The following OR4B1 variants were observed in gnomAD, a reference collection of about 807,000 sequenced individuals.
OR4B1 encodes olfactory receptor 4B1.
For synonymous variants in OR4B1, 196 were observed against 141.2 expected, an observed-to-expected ratio of 1.39 and a Z score of -2.75; for missense variants, 520 against 370.7, an observed-to-expected ratio of 1.40 and a Z score of -3.31.
Position 48,217,632 on chromosome 11 carries a change from G to C in OR4B1, c.823G>C (p.Val275Leu). The part of the protein sequence containing the change: ...EDKLVAVFYT[V>L]ITPMLNPIIY... ...TAAACTTGTGGCTGTATTCTACACG[G>C]TCATCACCCCCATGCTGAACCCCAT... The change falls in exon 1 of 1, where the codon GTC becomes CTC. Residue 275 changes from valine to leucine, a missense_variant. Val to Leu is a conservative substitution (Grantham distance 32). Transcript: ENST00000309562. The C allele has an allele frequency of 1.2e-6, 2 of 1,611,718 alleles. No individual in the cohort carries two copies. Among genetic ancestry groups the C allele is most frequent in the Non-Finnish European group, 1.7e-6 (2 of 1,179,956 alleles).
Position 48,217,417 on chromosome 11 carries a change from T to C in OR4B1, c.608T>C (p.Leu203Ser). The change falls in exon 1 of 1, where the codon TTA (leucine) becomes TCA (serine). Residue 203 changes from leucine (L) to serine (S), a missense_variant. By Grantham distance (145) the Leu-to-Ser change is moderately radical. Coordinates refer to ENST00000309562, the MANE Select transcript of OR4B1 (RefSeq NM_001005470.1). ...GTTATTGTGTTGGCCAACAGTGGAT[T>C]ATTCTCTGTCTTCTCCTTCCTCATC... is the stretch of plus-strand genomic sequence containing the variant. ...EGVIVLANSG[L>S]FSVFSFLILV... 2 of 1,614,148 alleles carry C rather than the reference T, an allele frequency of 1.2e-6. No individual in the cohort carries two copies. The highest frequency in any genetic ancestry group is 1.7e-5 in the Admixed American group (1 of 60,004).
Position 48,217,177 on chromosome 11 carries a change from C to T in OR4B1, c.368C>T (p.Ala123Val). 3 of 1,614,096 alleles carry T rather than the reference C, an allele frequency of 1.9e-6. No homozygotes were observed. The highest frequency in any genetic ancestry group is 1.7e-5 in the Admixed American group (1 of 59,988). ...IVVMAYDCYV[A>V]ICKPLHYMNI... ...GTGATGGCCTATGATTGCTACGTGGCCATTTGCAAGCCTCTTCATTATATG... is the reference window on the plus strand; with the variant it reads ...GTGATGGCCTATGATTGCTACGTGGTCATTTGCAAGCCTCTTCATTATATG... Residue 123 changes from alanine (A) to valine (V), a missense_variant, in exon 1 of 1, where the codon GCC becomes GTC. Physicochemically the swap from Ala to Val is moderately conservative, Grantham distance 64 (BLOSUM62 0). Coordinates refer to ENST00000309562, the MANE Select transcript of OR4B1 (RefSeq NM_001005470.1).
chr11:48,217,177 C>A lies in OR4B1; in HGVS notation c.368C>A (p.Ala123Asp), dbSNP rs772456946. Residue 123 changes from alanine to aspartate, a missense_variant, in exon 1 of 1, where the codon GCC becomes GAC. By Grantham distance (126) the Ala-to-Asp change is moderately radical. Coordinates refer to ENST00000309562, the MANE Select transcript of OR4B1 (RefSeq NM_001005470.1). ...IVVMAYDCYV[A>D]ICKPLHYMNI... ...GTGATGGCCTATGATTGCTACGTGG[C>A]CATTTGCAAGCCTCTTCATTATATG... 3 of 1,613,978 alleles carry A rather than the reference C, an allele frequency of 1.9e-6. No individual in the cohort carries two copies. Among genetic ancestry groups the A allele is most frequent in the Admixed American group, 1.7e-5 (1 of 59,968 alleles).
rs1456486320 is a variant in OR4B1, at chr11:48,216,877, G to A, written c.68G>A (p.Ser23Asn). The A allele has an allele frequency of 6.2e-7, 1 of 1,614,068 alleles. No individual in the cohort carries two copies. Among genetic ancestry groups the A allele is most frequent in the Admixed American group, 1.7e-5 (1 of 59,996 alleles). ...CTTTTCCAGGATCCAGCTGTGCAGA[G>A]TGTATGCTTTGTGGTGTTTCTCCCC... is the stretch of plus-strand genomic sequence containing the variant. ...TGLFQDPAVQSVCFVVFLPVY... is the reference protein window; with the variant it reads ...TGLFQDPAVQNVCFVVFLPVY... The change falls in exon 1 of 1, where the codon AGT (serine) becomes AAT (asparagine). Residue 23 changes from serine (S) to asparagine (N), a missense_variant. By Grantham distance (46) the Ser-to-Asn change is conservative. Transcript: ENST00000309562.
In OR4B1 at chr11:48,217,238, G is replaced by T; in HGVS notation, c.429G>T (p.Val143=). Residue 143 remains valine (V), a synonymous_variant, in exon 1 of 1, where the codon GTG becomes GTT. Coordinates refer to ENST00000309562, the MANE Select transcript of OR4B1 (RefSeq NM_001005470.1). ...IISRQLCHLL[V]AGSWLGGFCH... ...GTCGTCAACTGTGTCACCTTCTGGTGGCTGGTTCCTGGCTGGGGGGCTTTT... is the reference window on the plus strand; with the variant it reads ...GTCGTCAACTGTGTCACCTTCTGGTTGCTGGTTCCTGGCTGGGGGGCTTTT... The T allele has an allele frequency of 1.2e-6, 2 of 1,614,116 alleles. No homozygotes were observed. Among genetic ancestry groups the T allele is most frequent in the Non-Finnish European group, 1.7e-6 (2 of 1,180,030 alleles).
rs769589666 is a variant in OR4B1 at position 48,217,568 on chromosome 11, C to T, written c.759C>T (p.Ile253=). ...TCATCTTGTTTTTTGGACCTGCTATCTTCCTCTACATGCGACCTTCTTCCA... is the reference window on the plus strand; with the variant it reads ...TCATCTTGTTTTTTGGACCTGCTATTTTCCTCTACATGCGACCTTCTTCCA... The part of the protein sequence containing the change: ...TVVILFFGPA[I]FLYMRPSSTF... Residue 253 remains isoleucine, a synonymous_variant, in exon 1 of 1, where the codon ATC becomes ATT. Transcript: ENST00000309562. 1 of 1,614,154 alleles carries T rather than the reference C, an allele frequency of 6.2e-7. No homozygotes were observed. The highest frequency in any genetic ancestry group is 1.7e-5 in the Admixed American group (1 of 60,010).
chr11:48,216,848 T>C lies in OR4B1; in HGVS notation c.39T>C (p.Thr13=), dbSNP rs762263566. The C allele has an allele frequency of 3.1e-6, 5 of 1,614,122 alleles. No homozygotes were observed. The highest frequency in any genetic ancestry group is 1.1e-5 in the South Asian group (1 of 91,076). Residue 13 remains threonine, a synonymous_variant, in exon 1 of 1, where the codon ACT becomes ACC. Coordinates refer to ENST00000309562, the MANE Select transcript of OR4B1 (RefSeq NM_001005470.1). The part of the protein sequence containing the change: ...STSNVTELIF[T]GLFQDPAVQS... ...GTAATGTGACTGAGTTGATTTTCACTGGCCTTTTCCAGGATCCAGCTGTGC... is the reference window on the plus strand; with the variant it reads ...GTAATGTGACTGAGTTGATTTTCACCGGCCTTTTCCAGGATCCAGCTGTGC...
At position 48,217,160 on chromosome 11, in the gene OR4B1, C is replaced by G. The variant is rs758253719; in HGVS notation, c.351C>G (p.Ala117=). The change falls in exon 1 of 1, where the codon GCC becomes GCG. Residue 117 remains alanine, a synonymous_variant. Coordinates refer to ENST00000309562, the MANE Select transcript of OR4B1 (RefSeq NM_001005470.1). The stretch of plus-strand genomic sequence containing the variant: ...AGATCCTTTTGATTGTGGTGATGGC[C>G]TATGATTGCTACGTGGCCATTTGCA... The part of the protein sequence containing the change: ...VAEILLIVVM[A]YDCYVAICKP... The G allele has an allele frequency of 6.2e-7, 1 of 1,614,126 alleles. No homozygotes were observed.
Position 48,217,484 on chromosome 11 carries a change from C to T in OR4B1, c.675C>T (p.Asn225=), listed in dbSNP as rs544130500. The part of the protein sequence containing the change: ...SYIVILVNLR[N]HSAEGRHKAL... ...TTGTCATTCTGGTCAACTTGAGGAA[C>T]CATTCTGCAGAGGGGAGGCACAAAG... The change falls in exon 1 of 1, where the codon AAC becomes AAT. Residue 225 remains asparagine, a synonymous_variant. Coordinates refer to ENST00000309562, the MANE Select transcript of OR4B1 (RefSeq NM_001005470.1). 4.3e-6 allele frequency: 7 copies of T among 1,614,114 alleles called. No individual in the cohort carries two copies. The highest frequency in any genetic ancestry group is 1.7e-6 in the Non-Finnish European group (2 of 1,180,024).
In OR4B1 at chr11:48,216,856, T is replaced by C; in HGVS notation, c.47T>C (p.Phe16Ser). Residue 16 changes from phenylalanine to serine, a missense_variant, in exon 1 of 1, where the codon TTC becomes TCC. By Grantham distance (155) the Phe-to-Ser change is radical. Transcript: ENST00000309562. The part of the protein sequence containing the change: ...NVTELIFTGL[F>S]QDPAVQSVCF... Reference sequence around the variant, plus strand: ...ACTGAGTTGATTTTCACTGGCCTTTTCCAGGATCCAGCTGTGCAGAGTGTA... The same window carrying C: ...ACTGAGTTGATTTTCACTGGCCTTTCCCAGGATCCAGCTGTGCAGAGTGTA... 1 of 1,614,120 alleles carries C rather than the reference T, an allele frequency of 6.2e-7. No individual in the cohort carries two copies. Among genetic ancestry groups the C allele is most frequent in the South Asian group, 1.1e-5 (1 of 91,070 alleles).
At position 48,217,195 on chromosome 11, in the gene OR4B1, A is replaced by C; in HGVS notation, c.386A>C (p.His129Pro). The change falls in exon 1 of 1, where the codon CAT becomes CCT. Residue 129 changes from histidine to proline, a missense_variant. Coordinates refer to ENST00000309562, the MANE Select transcript of OR4B1 (RefSeq NM_001005470.1). ...DCYVAICKPL[H>P]YMNIISRQLC... ...TACGTGGCCATTTGCAAGCCTCTTC[A>C]TTATATGAACATTATCAGTCGTCAA... 1 of 1,614,122 alleles carries C rather than the reference A, an allele frequency of 6.2e-7. No homozygotes were observed. The highest frequency in any genetic ancestry group is 2.2e-5 in the East Asian group (1 of 44,892).
Position 48,216,956 on chromosome 11 carries a change from C to G in OR4B1, c.147C>G (p.Ile49Met). 2 of 1,614,148 alleles carry G rather than the reference C, an allele frequency of 1.2e-6. No homozygotes were observed. Among genetic ancestry groups the G allele is most frequent in the Non-Finnish European group, 8.5e-7 (1 of 1,180,010 alleles). ...GCCTCATCGTTCTGACGGTCAGTAT[C>G]AGCAAGAGTCTGGATTCTCCCATGT... ...GNGLIVLTVS[I>M]SKSLDSPMYF... The change falls in exon 1 of 1, where the codon ATC becomes ATG. Residue 49 changes from isoleucine (I) to methionine (M), a missense_variant. Ile to Met is a conservative substitution (Grantham distance 10). Coordinates refer to ENST00000309562, the MANE Select transcript of OR4B1 (RefSeq NM_001005470.1).
At position 48,217,050 on chromosome 11, in the gene OR4B1, A is replaced by G. The variant is rs1858634356; in HGVS notation, c.241A>G (p.Ile81Val). The G allele has an allele frequency of 6.2e-7, 1 of 1,614,070 alleles. No homozygotes were observed. Among genetic ancestry groups the G allele is most frequent in the South Asian group, 1.1e-5 (1 of 91,082 alleles). ...YSSTIAPKFI[I>V]DLLAKIKTIS... Reference sequence around the variant, plus strand: ...CTCCACTATCGCCCCTAAATTCATCATAGACTTACTTGCCAAGATTAAAAC... The same window carrying G: ...CTCCACTATCGCCCCTAAATTCATCGTAGACTTACTTGCCAAGATTAAAAC... The change falls in exon 1 of 1, where the codon ATA (isoleucine) becomes GTA (valine). Residue 81 changes from isoleucine (I) to valine (V), a missense_variant. Coordinates refer to ENST00000309562, the MANE Select transcript of OR4B1 (RefSeq NM_001005470.1).
Position 48,217,386 on chromosome 11 carries a change from G to C in OR4B1, c.577G>C (p.Glu193Gln). Reference sequence around the variant, plus strand: ...GCTTGCCTGCACTGACACCTTCATGGAGGGGGTTATTGTGTTGGCCAACAG... The same window carrying C: ...GCTTGCCTGCACTGACACCTTCATGCAGGGGGTTATTGTGTTGGCCAACAG... Reference protein sequence around the residue: ...FKLACTDTFMEGVIVLANSGL... With the variant: ...FKLACTDTFMQGVIVLANSGL... The change falls in exon 1 of 1, where the codon GAG becomes CAG. Residue 193 changes from glutamate (E) to glutamine (Q), a missense_variant. Transcript: ENST00000309562. 1 of 1,614,128 alleles carries C rather than the reference G, an allele frequency of 6.2e-7. No homozygotes were observed. Among genetic ancestry groups the C allele is most frequent in the Non-Finnish European group, 8.5e-7 (1 of 1,180,020 alleles).
Position 48,217,290 on chromosome 11 carries a change from A to G in OR4B1, c.481A>G (p.Ile161Val). The change falls in exon 1 of 1, where the codon ATC becomes GTC. Residue 161 changes from isoleucine (I) to valine (V), a missense_variant. By Grantham distance (29) the Ile-to-Val change is conservative. Transcript: ENST00000309562. ...TCACTCCATAATTCAGATTCTCGTT[A>G]TCATCCAATTGCCCTTCTGTGGTCC... ...FCHSIIQILV[I>V]IQLPFCGPNV... 1.2e-6 allele frequency: 2 copies of G among 1,614,082 alleles called. No individual in the cohort carries two copies. The highest frequency in any genetic ancestry group is 1.7e-6 in the Non-Finnish European group (2 of 1,180,010).
rs764912452 is a variant in OR4B1 at position 48,217,398 on chromosome 11, G to T, written c.589G>T (p.Val197Leu). Reference sequence around the variant, plus strand: ...TGACACCTTCATGGAGGGGGTTATTGTGTTGGCCAACAGTGGATTATTCTC... The same window carrying T: ...TGACACCTTCATGGAGGGGGTTATTTTGTTGGCCAACAGTGGATTATTCTC... ...CTDTFMEGVI[V>L]LANSGLFSVF... The change falls in exon 1 of 1, where the codon GTG (valine) becomes TTG (leucine). Residue 197 changes from valine to leucine, a missense_variant. Val to Leu is a conservative substitution (Grantham distance 32). Transcript: ENST00000309562. 96 of 1,613,938 alleles carry T rather than the reference G, an allele frequency of 5.9e-5. No homozygotes were observed. The highest frequency in any genetic ancestry group is 7.1e-5 in the Non-Finnish European group (84 of 1,180,026).
In OR4B1 at chr11:48,216,923, G is replaced by T; in HGVS notation, c.114G>T (p.Val38=). 6.2e-7 allele frequency: 1 copy of T among 1,613,934 alleles called. No individual in the cohort carries two copies. The highest frequency in any genetic ancestry group is 8.5e-7 in the Non-Finnish European group (1 of 1,179,856). The change falls in exon 1 of 1, where the codon GTG becomes GTT. Residue 38 remains valine (V), a synonymous_variant. Coordinates refer to ENST00000309562, the MANE Select transcript of OR4B1 (RefSeq NM_001005470.1). ...TCCCCGTGTACCTTGCCACGGTGGTGGGCAATGGCCTCATCGTTCTGACGG... is the reference window on the plus strand; with the variant it reads ...TCCCCGTGTACCTTGCCACGGTGGTTGGCAATGGCCTCATCGTTCTGACGG... ...VFLPVYLATV[V]GNGLIVLTVS...
rs1014213926 is a variant in OR4B1, at chr11:48,217,270, C to T, written c.461C>T (p.Ser154Phe). ...AGSWLGGFCH[S>F]IIQILVIIQL... ...TCCTGGCTGGGGGGCTTTTGTCACT[C>T]CATAATTCAGATTCTCGTTATCATC... Residue 154 changes from serine to phenylalanine, a missense_variant, in exon 1 of 1, where the codon TCC becomes TTC. Physicochemically the swap from Ser to Phe is radical, Grantham distance 155 (BLOSUM62 -2). Transcript: ENST00000309562. 5.6e-6 allele frequency: 9 copies of T among 1,614,110 alleles called. No individual in the cohort carries two copies. The highest frequency in any genetic ancestry group is 7.6e-6 in the Non-Finnish European group (9 of 1,180,016).
chr11:48,217,566 A>G lies in OR4B1; in HGVS notation c.757A>G (p.Ile253Val), dbSNP rs149085327. The change falls in exon 1 of 1, where the codon ATC becomes GTC. Residue 253 changes from isoleucine (I) to valine (V), a missense_variant. Transcript: ENST00000309562. The part of the protein sequence containing the change: ...TVVILFFGPA[I>V]FLYMRPSSTF... ...GGTCATCTTGTTTTTTGGACCTGCT[A>G]TCTTCCTCTACATGCGACCTTCTTC... The G allele has an allele frequency of 7.4e-6, 12 of 1,614,112 alleles. No homozygotes were observed. The highest frequency in any genetic ancestry group is 5.0e-5 in the Admixed American group (3 of 60,008).
Sources: gnomAD v4.1 joint callset for allele counts on GRCh38, gnomAD v4.1.1 for gene constraint, MANE v1.5 for transcripts, NCBI Gene and HGNC (gene_info 2026-07-23, HGNC 2026-07-21) for gene names.